DCDC1: variants seen among roughly 807,000 people sequenced by gnomAD.
DCDC1 encodes the protein doublecortin domain-containing protein 1.
DCDC1 carries 200 observed loss-of-function variants against 178.3 expected under a neutral mutation model. The observed-to-expected ratio is 1.12, with a 90% confidence interval of 1.00 to 1.26. DCDC1 has a LOEUF of 1.26. DCDC1 is among the 50% of genes most tolerant of loss of function. DCDC1 has a pLI of 0.00. For missense variants in DCDC1, 1,983 were observed against 1,749.2 expected, an observed-to-expected ratio of 1.13 and a Z score of -2.38; for synonymous variants, 690 against 604.8, an observed-to-expected ratio of 1.14 and a Z score of -2.07.
chr11:31,147,644 C>T (rs765440225), intron 9 of DCDC1, among the ~76,000 whole-genome samples: 9 of 152,182 alleles, frequency 5.9e-5, no homozygotes, highest in Non-Finnish European at 1.0e-4. Flanking sequence ...AATAGATACT[C>T]GCTCAGATCT....
chr11:30,874,862 T>G (rs1941971378), intron 38 of DCDC1, among the ~76,000 whole-genome samples: 2 of 152,180 alleles, frequency 1.3e-5, no homozygotes. Flanking sequence ...ACAGCTCGAC[T>G]GAAGCTTGTA....
At chr11:31,357,927 T>G (rs560332104) in intron 1 of DCDC1, among the ~76,000 whole-genome samples, 11 of 152,200 alleles carry the variant, frequency 7.2e-5, no homozygotes, top group East Asian at 1.9e-4. Flanking sequence ...CACTGCTCAA[T>G]GAAATAAAAG....
At chr11:30,866,943 A>G (rs554079777) in intron 38 of DCDC1, among the ~76,000 whole-genome samples, 1 of 152,198 alleles carries the variant, frequency 6.6e-6, no homozygotes, top group Non-Finnish European at 1.5e-5. Context: ...TTGCCCTTCC[A>G]CTTTCTGCCC....
intron 9 of DCDC1, among the ~76,000 whole-genome samples, chr11:31,199,473 G>T (rs1971054528): frequency 6.6e-6 from 1 of 152,060 alleles, no homozygotes; most frequent in Non-Finnish European, 1.5e-5. Flanking sequence ...TTTTCAGCAT[G>T]CCTGGAACTT....
chr11:31,237,955 T>C (rs1976649862), intron 9 of DCDC1, among the ~76,000 whole-genome samples: 2 of 152,048 alleles, frequency 1.3e-5, no homozygotes, highest in Non-Finnish European at 1.5e-5. Context: ...TACCATGATA[T>C]AATAGATACT....
intron 8 of DCDC1, chr11:31,263,102 A>G (rs759763463): frequency 1.9e-6 from 3 of 1,609,616 alleles, no homozygotes; most frequent in East Asian, 4.5e-5. Flanking sequence ...CTGTTATACC[A>G]TATTTGGGAG....
At chr11:31,125,579 G>A (rs112423506) in intron 11 of DCDC1, among the ~76,000 whole-genome samples, 7,904 of 152,220 alleles carry the variant, frequency 0.052, 545 homozygotes, top group African/African-American at 0.14. Context: ...TACACATCAT[G>A]GAATACTATG....
intron 20 of DCDC1, among the ~76,000 whole-genome samples, chr11:30,985,855 T>C (rs936263903): frequency 3.9e-5 from 6 of 152,136 alleles, no homozygotes; most frequent in African/African-American, 1.4e-4. Flanking sequence ...AACTAAATTA[T>C]GACAAATTTT....
chr11:31,330,032 C>T (rs1297051104), intron 2 of DCDC1, among the ~76,000 whole-genome samples: 2 of 152,176 alleles, frequency 1.3e-5, no homozygotes, highest in Non-Finnish European at 2.9e-5. Context: ...TAAAAGCATT[C>T]CTATTTCTCC....
chr11:30,972,837 T>C (rs1455663408), intron 20 of DCDC1, among the ~76,000 whole-genome samples: 1 of 152,166 alleles, frequency 6.6e-6, no homozygotes, highest in African/African-American at 2.4e-5. Context: ...CCAAATCTCA[T>C]GTTCAATTAT....
rs1489611993 is a variant in DCDC1 at position 31,041,461 on chromosome 11, T to A, written c.2591+23008A>T. Among the ~76,000 whole-genome samples, 3 of 152,332 alleles carry A rather than the reference T, an allele frequency of 2.0e-5. No homozygotes were observed. In the East Asian group the frequency reaches 5.8e-4, roughly 29 times the overall value. ...TCCAAATGCCTTATAAACATTGATT[T>A]ACTTAATCACATCACAGCCCAATAA... On this transcript the variant is annotated intron_variant, in intron 20 of 38. Transcript: ENST00000684477.
chr11:31,163,377 T>G (rs144568844), intron 9 of DCDC1, among the ~76,000 whole-genome samples: 2 of 152,304 alleles, frequency 1.3e-5, no homozygotes, highest in Admixed American at 1.3e-4. Context: ...CAGTCATGAA[T>G]GACCATTGAT....
chr11:31,281,135 C>T (rs1946394935), intron 7 of DCDC1: 1 of 348,768 alleles, frequency 2.9e-6, no homozygotes. Flanking sequence ...TTCCTTAGTT[C>T]TACTAGCTTT....
chr11:31,156,464 G>A (rs1393228443), intron 9 of DCDC1, among the ~76,000 whole-genome samples: 1 of 151,902 alleles, frequency 6.6e-6, no homozygotes, highest in Non-Finnish European at 1.5e-5. Flanking sequence ...AGGCACACAT[G>A]TAATTTTAAA....
intron 13 of DCDC1, among the ~76,000 whole-genome samples, chr11:31,106,032 C>T (rs182884170): frequency 1.3e-5 from 2 of 152,246 alleles, no homozygotes; most frequent in Admixed American, 6.5e-5. Flanking sequence ...TGTGTTCTGT[C>T]AAAATATGCA....
At chr11:31,365,071 T>C (rs979838547) in intron 1 of DCDC1, among the ~76,000 whole-genome samples, 1 of 152,166 alleles carries the variant, frequency 6.6e-6, no homozygotes. Flanking sequence ...CCTACAGTTA[T>C]TTCAGTTCCT....
At chr11:30,868,474 C>CT (rs899309074) in intron 38 of DCDC1, among the ~76,000 whole-genome samples, 6 of 151,974 alleles carry the variant, frequency 3.9e-5, no homozygotes, top group African/African-American at 1.5e-4. Context: ...TGGTCTTGAA[C>CT]TCCTGACCTC....
chr11:31,096,802 T>A (rs1486591820), intron 15 of DCDC1, among the ~76,000 whole-genome samples: 2 of 152,132 alleles, frequency 1.3e-5, no homozygotes, highest in Non-Finnish European at 2.9e-5. Flanking sequence ...ATTAATTTGA[T>A]AGCTTAGCTT....
intron 21 of DCDC1, among the ~76,000 whole-genome samples, chr11:30,942,242 G>T (rs189627335): frequency 6.6e-6 from 1 of 152,290 alleles, no homozygotes; most frequent in East Asian, 1.9e-4. Context: ...TTGGCCTGTT[G>T]TATAAAGGGA....
Sources: allele counts gnomAD v4.1 joint callset (sites outside exome capture counted in the v4.1 genomes callset), GRCh38; gene constraint gnomAD v4.1.1; transcripts MANE v1.5; gene names NCBI Gene and HGNC (gene_info 2026-07-23, HGNC 2026-07-21).